Variants in SPATA25 observed in about 807,000 individuals in gnomAD.
SPATA25 encodes spermatogenesis associated 25, also known as spermatogenesis-associated protein 25.
SPATA25 carries 16 observed loss-of-function variants against 16.0 expected under a neutral mutation model. The observed-to-expected ratio is 1.00, with a 90% CI of 0.68 to 1.52. The LOEUF is 1.52. Ranked by LOEUF, SPATA25 falls within the 40% of genes most tolerant of loss-of-function variation. The pLI is 0.00. For missense variants in SPATA25, 285 were observed against 289.2 expected (o/e 0.99, Z 0.11); for synonymous variants, 115 against 118.5 (o/e 0.97, Z 0.19).
upstream of SPATA25, chr20:45,890,336 C>A: frequency 1.2e-6 from 2 of 1,613,110 alleles, no homozygotes; most frequent in Non-Finnish European, 1.7e-6. Context: ...AGCTGGCAGT[C>A]CCCGGGCGCT....
upstream of SPATA25, chr20:45,890,488 G>A (rs1359539327): frequency 1.8e-5 from 28 of 1,598,474 alleles, no homozygotes; most frequent in Non-Finnish European, 2.3e-5. Flanking sequence ...AGAGATGGCT[G>A]TAGAGCCCTG....
chr20:45,888,988 C>G, upstream of SPATA25: 1 of 1,233,950 alleles, frequency 8.1e-7, no homozygotes, highest in East Asian at 2.5e-5. Context: ...CAAGTCCTTA[C>G]TGCTCTCTGG....
Position 45,887,103 on chromosome 20 carries a change from G to T in SPATA25, c.98C>A (p.Pro33His). ...SPGLSLGLCSPVEPVVVASGG... is the reference protein window; with the variant it reads ...SPGLSLGLCSHVEPVVVASGG... ...AGAGGCCACCACCACTGGCTCTACA[G>T]GACTACAGAGGCCAAGGGACAAGCC... The change falls in exon 2 of 2, where the codon CCT (proline) becomes CAT (histidine). Residue 33 changes from proline (P) to histidine (H), a missense_variant. Physicochemically the swap from Pro to His is moderately conservative, Grantham distance 77. Transcript: ENST00000372519. 1.2e-6 allele frequency: 2 copies of T among 1,602,652 alleles called. No individual in the cohort carries two copies.
upstream of SPATA25, among the ~76,000 whole-genome samples, chr20:45,889,824 G>C (rs1469907437): frequency 6.6e-6 from 1 of 152,112 alleles, no homozygotes; most frequent in African/African-American, 2.4e-5. Flanking sequence ...ATGTTGGCCA[G>C]GCTGGTCTCG....
At chr20:45,890,918 C>T (rs747091278), upstream of SPATA25, 1 of 1,543,436 alleles carries the variant, frequency 6.5e-7, no homozygotes, top group Non-Finnish European at 8.7e-7. Context: ...CCGATGGAAG[C>T]GGGTGGGAGG....
At chr20:45,890,566 G>T (rs374500006), upstream of SPATA25, 86 of 1,612,012 alleles carry the variant, frequency 5.3e-5, 2 homozygotes, top group African/African-American at 8.9e-4. Flanking sequence ...ATGGTTCCAC[G>T]AGGAGGGTTG....
At chr20:45,888,613 G>A, upstream of SPATA25, 1 of 744,448 alleles carries the variant, frequency 1.3e-6, no homozygotes, top group East Asian at 2.7e-5. Flanking sequence ...AGGCTGTAGG[G>A]GCAAGGAGAC....
chr20:45,886,729 C>T lies in SPATA25; in HGVS notation c.472G>A (p.Ala158Thr), dbSNP rs780207248. ...GTGGGGATGCCAGCGATCATCATGGCGAGGGTGAGGATGCAGATATCAGGC... is the reference window on the plus strand; with the variant it reads ...GTGGGGATGCCAGCGATCATCATGGTGAGGGTGAGGATGCAGATATCAGGC... ...SQPDICILTL[A>T]MMIAGIPTVP... Residue 158 changes from alanine to threonine, a missense_variant, in exon 2 of 2, where the codon GCC becomes ACC. Transcript: ENST00000372519. 28 of 1,613,992 alleles carry T rather than the reference C, an allele frequency of 1.7e-5. No homozygotes were observed. The highest frequency in any genetic ancestry group is 1.6e-4 in the Middle Eastern group (1 of 6,084).
Position 45,887,056 on chromosome 20 carries a change from G to C in SPATA25, c.145C>G (p.Gln49Glu), listed in dbSNP as rs1986508831. 1 of 1,609,514 alleles carries C rather than the reference G, an allele frequency of 6.2e-7. No homozygotes were observed. The highest frequency in any genetic ancestry group is 8.5e-7 in the Non-Finnish European group (1 of 1,180,002). The change falls in exon 2 of 2, where the codon CAG (glutamine) becomes GAG (glutamate). Residue 49 changes from glutamine to glutamate, a missense_variant. Gln to Glu is a conservative substitution (Grantham distance 29). Coordinates refer to ENST00000372519, the MANE Select transcript of SPATA25 (RefSeq NM_080608.4). ...VASGGTGPLS[Q>E]KAEQVAPAAQ... The stretch of plus-strand genomic sequence containing the variant: ...GCAGGTGCCACCTGCTCAGCTTTCT[G>C]GCTCAGTGGGCCTGTTCCACCAGAG...
At chr20:45,888,340 T>TA (rs1986560269), upstream of SPATA25, among the ~76,000 whole-genome samples, 2 of 152,166 alleles carry the variant, frequency 1.3e-5, no homozygotes, top group Admixed American at 1.3e-4. Flanking sequence ...GATTATAATA[T>TA]ATGACAAAGT....
chr20:45,890,372 A>C, upstream of SPATA25: 1 of 1,612,818 alleles, frequency 6.2e-7, no homozygotes, highest in Non-Finnish European at 8.5e-7. Context: ...GCCGTTGATG[A>C]TGATGTGCAT....
upstream of SPATA25, among the ~76,000 whole-genome samples, chr20:45,888,270 G>A (rs545409237): frequency 2.5e-3 from 377 of 152,138 alleles, 2 homozygotes; most frequent in Non-Finnish European, 4.8e-3. Context: ...TGCCCACCTC[G>A]GCCTCCCAAA....
At chr20:45,890,240 G>A (rs780780687), upstream of SPATA25, 2 of 1,613,848 alleles carry the variant, frequency 1.2e-6, no homozygotes, top group Non-Finnish European at 1.7e-6. Flanking sequence ...CGCTGCCCAG[G>A]GATACCTACA....
chr20:45,890,917 G>A (rs1986775312), upstream of SPATA25: 2 of 1,545,048 alleles, frequency 1.3e-6, no homozygotes, highest in Non-Finnish European at 8.7e-7. Flanking sequence ...CCCGATGGAA[G>A]CGGGTGGGAG....
upstream of SPATA25, chr20:45,888,724 A>G (rs768860376): frequency 6.2e-7 from 1 of 1,609,826 alleles, no homozygotes; most frequent in Non-Finnish European, 8.5e-7. Context: ...CTGGGGCTCC[A>G]GGATGCAGCT....
upstream of SPATA25, chr20:45,890,551 C>T: frequency 1.2e-6 from 2 of 1,611,156 alleles, no homozygotes; most frequent in African/African-American, 2.7e-5. Context: ...GCTCAATGCG[C>T]AGATATGGTT....
At chr20:45,888,062 G>A (rs1986550127), upstream of SPATA25, among the ~76,000 whole-genome samples, 2 of 152,138 alleles carry the variant, frequency 1.3e-5, no homozygotes, top group African/African-American at 4.8e-5. Context: ...ATGACTGGAA[G>A]GCTGGAGTGC....
At chr20:45,890,533 G>A (rs752019187), upstream of SPATA25, 9 of 1,607,756 alleles carry the variant, frequency 5.6e-6, no homozygotes, top group South Asian at 1.0e-4. Context: ...CCCGGGGAAT[G>A]CGAAACTGCT....
At chr20:45,889,625 C>CT (rs71845286), upstream of SPATA25, among the ~76,000 whole-genome samples, 46 of 149,128 alleles carry the variant, frequency 3.1e-4, 1 homozygote, top group African/African-American at 5.9e-4. Flanking sequence ...CTCTCTCTTT[C>CT]TTTTTTTTTT....
Sources: gnomAD v4.1 joint callset for allele counts (sites outside exome capture counted in the v4.1 genomes callset) on GRCh38, gnomAD v4.1.1 for gene constraint, MANE v1.5 for transcripts, NCBI Gene and HGNC (gene_info 2026-07-23, HGNC 2026-07-21) for gene names.